Variants in RB1CC1 observed in about 807,000 individuals in gnomAD.
RB1CC1 encodes RB1 inducible coiled-coil 1, also known as RB1-inducible coiled-coil protein 1.
A neutral mutation model predicts 177.5 loss-of-function variants in RB1CC1; 46 were observed. The ratio of observed to expected loss-of-function variants is 0.26; its 90% CI spans 0.20 to 0.33. The LOEUF is 0.33. RB1CC1 is among the 10% of genes least tolerant of loss of function. The pLI is 1.00. For missense variants in RB1CC1, 1,703 were observed against 1,816.3 expected (o/e 0.94, Z 1.13); for synonymous variants, 666 against 613.6 (o/e 1.09, Z -1.26).
intron 22 of RB1CC1, 133 bp downstream of exon 22, chr8:52,627,899 A>G: frequency 1.4e-6 from 1 of 722,274 alleles, no homozygotes; most frequent in Non-Finnish European, 2.1e-6. Flanking sequence ...TACAGATTTT[A>G]TAAAAAAGCA....
At chr8:52,640,124 T>G (rs1849445546) in intron 18 of RB1CC1, among the ~76,000 whole-genome samples, 2 of 152,200 alleles carry the variant, frequency 1.3e-5, no homozygotes, top group African/African-American at 4.8e-5. Context: ...TTTGATACTT[T>G]GGTTCTGAAT....
intron 1 of RB1CC1, among the ~76,000 whole-genome samples, chr8:52,702,837 A>G (rs1398901975): frequency 6.6e-6 from 1 of 152,168 alleles, no homozygotes; most frequent in Non-Finnish European, 1.5e-5. Context: ...CCTACCTCAT[A>G]TGGCTGTTGC....
chr8:52,634,561 G>A (rs775420278), intron 20 of RB1CC1, among the ~76,000 whole-genome samples: 33 of 151,848 alleles, frequency 2.2e-4, no homozygotes, highest in East Asian at 3.9e-4. Context: ...TTAAAATTAC[G>A]CACACTTGTG....
Position 52,680,635 on chromosome 8 carries a change from G to A in RB1CC1, c.369+2914C>T, listed in dbSNP as rs564397534. ...GTTTAGTCACAATAGTTGAACACTG[G>A]AAACAATCTCAATACCTACTAGTAG... On this transcript the variant is annotated intron_variant, in intron 5 of 23. Transcript: ENST00000025008. Among the ~76,000 whole-genome samples, 4 of 152,120 alleles carry A rather than the reference G, an allele frequency of 2.6e-5. No individual in the cohort carries two copies. The South Asian group carries it at 8.3e-4, about 32-fold the overall frequency.
At chr8:52,649,773 C>T (rs1021846004) in intron 15 of RB1CC1, among the ~76,000 whole-genome samples, 1 of 152,210 alleles carries the variant, frequency 6.6e-6, no homozygotes, top group Admixed American at 6.5e-5. Context: ...ATTTCCCAAC[C>T]CACGCAAACC....
intron 15 of RB1CC1, among the ~76,000 whole-genome samples, chr8:52,648,810 T>C (rs1359606484): frequency 2.6e-5 from 4 of 152,226 alleles, no homozygotes; most frequent in South Asian, 2.1e-4. Context: ...TTTTTCTTAC[T>C]AAATCAAGAA....
chr8:52,631,213 G>A (rs1211693919), intron 20 of RB1CC1, among the ~76,000 whole-genome samples: 4 of 152,188 alleles, frequency 2.6e-5, no homozygotes, highest in Admixed American at 2.6e-4. Flanking sequence ...AGTCTTTGAA[G>A]AGGAACTTAG....
chr8:52,688,828 C>T (rs549066906), intron 1 of RB1CC1, among the ~76,000 whole-genome samples: 2 of 152,260 alleles, frequency 1.3e-5, no homozygotes, highest in African/African-American at 4.8e-5. Context: ...CCCGGCGGCC[C>T]AGCTGTAAAA....
intron 1 of RB1CC1, among the ~76,000 whole-genome samples, chr8:52,688,611 G>A (rs980780304): frequency 6.6e-6 from 1 of 152,172 alleles, no homozygotes; most frequent in Non-Finnish European, 1.5e-5. Flanking sequence ...CTTATCAGTA[G>A]TTCTGCTTTT....
intron 18 of RB1CC1, among the ~76,000 whole-genome samples, chr8:52,638,187 T>A (rs1245781050): frequency 6.6e-6 from 1 of 152,194 alleles, no homozygotes; most frequent in East Asian, 1.9e-4. Context: ...GTTTTTATGA[T>A]GAAAGGCTGT....
At chr8:52,687,902 T>G (rs762122230) in intron 1 of RB1CC1, among the ~76,000 whole-genome samples, 12 of 152,164 alleles carry the variant, frequency 7.9e-5, no homozygotes, top group Non-Finnish European at 1.6e-4. Context: ...ACAGGGATAT[T>G]AGGAGGATGT....
At chr8:52,648,854 G>A (rs1050944892) in intron 15 of RB1CC1, among the ~76,000 whole-genome samples, 1 of 152,034 alleles carries the variant, frequency 6.6e-6, no homozygotes, top group Admixed American at 6.6e-5. Flanking sequence ...AGCACTTCAA[G>A]GCTTCTTTTT....
chr8:52,635,590 TAAAACATA>T (rs1175973820), intron 19 of RB1CC1, among the ~76,000 whole-genome samples: 11 of 152,278 alleles, frequency 7.2e-5, no homozygotes, highest in Non-Finnish European at 1.3e-4. Context: ...ATTCTTTATT[TAAAACATA>T]ACTCCCTTCA....
At chr8:52,653,521 G>C (rs1007755458) in intron 15 of RB1CC1, among the ~76,000 whole-genome samples, 1 of 152,138 alleles carries the variant, frequency 6.6e-6, no homozygotes, top group Non-Finnish European at 1.5e-5. Context: ...CTAGTATTCA[G>C]AGGCTTAACT....
At chr8:52,685,027 A>C (rs963021408) in intron 3 of RB1CC1, among the ~76,000 whole-genome samples, 3 of 148,356 alleles carry the variant, frequency 2.0e-5, no homozygotes, top group Non-Finnish European at 4.5e-5. Context: ...TTTTGAGACA[A>C]GAGTCCTGCT....
At chr8:52,650,530 T>C (rs1318646690) in intron 15 of RB1CC1, among the ~76,000 whole-genome samples, 2 of 152,230 alleles carry the variant, frequency 1.3e-5, no homozygotes, top group African/African-American at 4.8e-5. Flanking sequence ...TCCAGTCTCC[T>C]AGTTCTCCCA....
At chr8:52,671,649 A>C (rs1039473960) in intron 7 of RB1CC1, among the ~76,000 whole-genome samples, 1 of 152,266 alleles carries the variant, frequency 6.6e-6, no homozygotes, top group Non-Finnish European at 1.5e-5. Flanking sequence ...GTAAAATATA[A>C]ATAAATTTTT....
intron 15 of RB1CC1, among the ~76,000 whole-genome samples, chr8:52,647,591 G>T (rs1449668195): frequency 6.6e-6 from 1 of 152,074 alleles, no homozygotes; most frequent in Non-Finnish European, 1.5e-5. Context: ...TATAGGCAGG[G>T]TTTACAAAGA....
At chr8:52,667,699 T>C (rs1326133493) in intron 8 of RB1CC1, among the ~76,000 whole-genome samples, 1 of 152,204 alleles carries the variant, frequency 6.6e-6, no homozygotes, top group Non-Finnish European at 1.5e-5. Context: ...AAAATTTCAT[T>C]TCTTATCCTT....
Sources: allele counts gnomAD v4.1 joint callset (sites outside exome capture counted in the v4.1 genomes callset), GRCh38; gene constraint gnomAD v4.1.1; transcripts MANE v1.5; gene names NCBI Gene and HGNC (gene_info 2026-07-23, HGNC 2026-07-21).